AK8: variants seen among roughly 807,000 people sequenced by gnomAD.
AK8 encodes the protein adenylate kinase 8.
A neutral mutation model predicts 54.6 loss-of-function variants in AK8; 44 were observed. That is an observed-to-expected ratio of 0.81 (90% CI 0.63 to 1.04). The LOEUF (loss-of-function observed/expected upper bound fraction) is 1.04, where lower values mean the gene tolerates loss of function less well. Among genes scored for constraint, AK8 ranks in the 50% least tolerant of loss-of-function variants. The pLI is 0.00. For synonymous variants in AK8, 239 were observed against 245.6 expected (o/e 0.97, Z 0.25); for missense variants, 555 against 613.6 (o/e 0.90, Z 1.01).
intron 8 of AK8, among the ~76,000 whole-genome samples, chr9:132,824,437 C>T (rs1021724068): frequency 3.2e-4 from 49 of 152,290 alleles, no homozygotes; most frequent in African/African-American, 1.2e-3. Flanking sequence ...GCCAGGCCAT[C>T]GTGCCTCCTT....
intron 11 of AK8, among the ~76,000 whole-genome samples, chr9:132,788,711 AAATC>A (rs1374420946): frequency 2.0e-5 from 3 of 152,208 alleles, no homozygotes; most frequent in Non-Finnish European, 4.4e-5. Flanking sequence ...ACCCTGAACA[AAATC>A]AATCAAATTG....
Position 132,731,179 on chromosome 9 carries a change from G to A in AK8, c.1122-3645C>T, listed in dbSNP as rs546487142. Reference sequence around the variant, plus strand: ...TCAAAAGATTAAAATCCTAAATGTGGAAATCCTGAAAGCCGAATTCCGAGT... The same window carrying A: ...TCAAAAGATTAAAATCCTAAATGTGAAAATCCTGAAAGCCGAATTCCGAGT... On this transcript the variant is annotated intron_variant, in intron 11 of 12. Transcript: ENST00000298545. Among the ~76,000 whole-genome samples, 25 of 152,296 alleles carry A rather than the reference G, an allele frequency of 1.6e-4. No homozygotes were observed. In the East Asian group the frequency reaches 3.1e-3, roughly 19 times the overall value.
intron 8 of AK8, among the ~76,000 whole-genome samples, chr9:132,824,136 A>G (rs976919491): frequency 6.6e-6 from 1 of 152,032 alleles, no homozygotes; most frequent in Non-Finnish European, 1.5e-5. Context: ...AAACCAGGTC[A>G]CCTCCCGCTG....
rs75079455 is a variant in AK8 at position 132,857,477 on chromosome 9, G to C, written c.334-2552C>G. On this transcript the variant is annotated intron_variant, in intron 4 of 12. Transcript: ENST00000298545. ...CTTCCCCAGGCTGGCAAGGGAAGGG[G>C]TGGACAGGAAGCAGCCCTGTCCCTT... Among the ~76,000 whole-genome samples, 325 of 152,098 alleles carry C rather than the reference G, an allele frequency of 2.1e-3. 1 individual carries two copies. The highest frequency in any genetic ancestry group is 7.3e-3 in the Admixed American group (112 of 15,292).
intron 5 of AK8, among the ~76,000 whole-genome samples, chr9:132,853,789 A>T (rs1294722011): frequency 6.6e-6 from 1 of 150,422 alleles, no homozygotes. Flanking sequence ...GCCTCAAAAA[A>T]AAAAAAAAAA....
At chr9:132,853,225 A>G (rs1843038018) in intron 5 of AK8, among the ~76,000 whole-genome samples, 1 of 151,232 alleles carries the variant, frequency 6.6e-6, no homozygotes, top group African/African-American at 2.4e-5. Context: ...AGGCATGGTG[A>G]CGCATGCCTG....
intron 11 of AK8, among the ~76,000 whole-genome samples, chr9:132,777,353 T>C (rs1839266581): frequency 6.6e-6 from 1 of 152,058 alleles, no homozygotes; most frequent in Non-Finnish European, 1.5e-5. Flanking sequence ...AATCCCACTG[T>C]CCCTGATTTT....
intron 10 of AK8, among the ~76,000 whole-genome samples, chr9:132,794,953 CCGA>C (rs1299482185): frequency 1.3e-5 from 2 of 152,220 alleles, no homozygotes; most frequent in African/African-American, 2.4e-5. Flanking sequence ...TGGCACACAG[CCGA>C]CACTCAAAGG....
intron 11 of AK8, among the ~76,000 whole-genome samples, chr9:132,763,771 G>T (rs1480569499): frequency 6.6e-6 from 1 of 152,192 alleles, no homozygotes; most frequent in Non-Finnish European, 1.5e-5. Context: ...CCCAATTCAT[G>T]AATTGTTCTT....
At chr9:132,796,163 C>T (rs944868168) in intron 10 of AK8, among the ~76,000 whole-genome samples, 1 of 152,166 alleles carries the variant, frequency 6.6e-6, no homozygotes, top group Non-Finnish European at 1.5e-5. Flanking sequence ...TGGGATAGGA[C>T]CCTGATCCCC....
chr9:132,728,968 G>C (rs535304198), intron 11 of AK8, among the ~76,000 whole-genome samples: 20 of 151,732 alleles, frequency 1.3e-4, no homozygotes, highest in African/African-American at 4.4e-4. Context: ...GCAGTGGAGT[G>C]ACCTCCCAGG....
chr9:132,737,236 T>A (rs577132915), intron 11 of AK8, among the ~76,000 whole-genome samples: 6 of 152,202 alleles, frequency 3.9e-5, no homozygotes, highest in African/African-American at 1.4e-4. Flanking sequence ...TTGAATAAAC[T>A]TACAATTTAA....
At chr9:132,802,243 C>G (rs144313174) in intron 10 of AK8, among the ~76,000 whole-genome samples, 2 of 152,210 alleles carry the variant, frequency 1.3e-5, no homozygotes, top group East Asian at 3.9e-4. Context: ...CTAAAATGTT[C>G]ACATCAAGCC....
At chr9:132,853,085 G>A (rs963804010) in intron 5 of AK8, among the ~76,000 whole-genome samples, 5 of 151,908 alleles carry the variant, frequency 3.3e-5, no homozygotes, top group Admixed American at 1.3e-4. Flanking sequence ...GGCCGGGCAC[G>A]GTAGCTCACA....
At chr9:132,821,674 C>T (rs997567476) in intron 9 of AK8, among the ~76,000 whole-genome samples, 2 of 149,284 alleles carry the variant, frequency 1.3e-5, no homozygotes, top group Non-Finnish European at 3.0e-5. Flanking sequence ...GTGGTATATA[C>T]ATATATTTGT....
chr9:132,771,912 G>A (rs147429657), intron 11 of AK8, among the ~76,000 whole-genome samples: 16 of 152,316 alleles, frequency 1.1e-4, no homozygotes, highest in Admixed American at 3.9e-4. Context: ...CAATCATGGC[G>A]TAAGGCAAGG....
At chr9:132,727,844 A>G (rs1363792113) in intron 11 of AK8, among the ~76,000 whole-genome samples, 4 of 152,106 alleles carry the variant, frequency 2.6e-5, no homozygotes, top group Non-Finnish European at 4.4e-5. Flanking sequence ...GCTTGGCAGA[A>G]TTATTCAAAC....
chr9:132,775,820 C>T (rs1839191220), intron 11 of AK8, among the ~76,000 whole-genome samples: 1 of 152,236 alleles, frequency 6.6e-6, no homozygotes, highest in Non-Finnish European at 1.5e-5. Flanking sequence ...GACAGCACAG[C>T]CATGCCTGCG....
At chr9:132,878,543 A>C, upstream of AK8, 1 of 1,168,826 alleles carries the variant, frequency 8.6e-7, no homozygotes, top group Admixed American at 4.7e-5. The surrounding 1 kb of genome is among the most constrained non-coding windows in gnomAD (Gnocchi z 4.7). Context: ...GAGACCCCCG[A>C]CGAAACCCAG....
Sources: gnomAD v4.1 joint callset for allele counts (sites outside exome capture counted in the v4.1 genomes callset) on GRCh38, gnomAD v4.1.1 for gene constraint, Gnocchi (gnomAD v3.1) non-coding constraint, MANE v1.5 for transcripts, NCBI Gene and HGNC (gene_info 2026-07-23, HGNC 2026-07-21) for gene names.